Variants in MECOM observed in about 807,000 individuals in gnomAD.
The protein encoded by MECOM is MDS1 and EVI1 complex locus.
A neutral mutation model predicts 116.3 loss-of-function variants in MECOM; 13 were observed. That is an observed-to-expected ratio of 0.11 (90% confidence interval 0.07 to 0.18). The LOEUF is 0.18. Ranked by LOEUF, MECOM falls within the 10% of genes least tolerant of loss-of-function variation. The pLI is 1.00. For synonymous variants in MECOM, 528 were observed against 535.2 expected (o/e 0.99, Z 0.19); for missense variants, 1,299 against 1,509.0 (o/e 0.86, Z 2.31).
At chr3:169,167,062 C>T (rs892768933) in intron 2 of MECOM, among the ~76,000 whole-genome samples, 1 of 152,096 alleles carries the variant, frequency 6.6e-6, no homozygotes, top group African/African-American at 2.4e-5. Context: ...GATGCCTTAA[C>T]TTTCCAGGCT....
chr3:169,449,745 T>C (rs1021134410), intron 1 of MECOM, among the ~76,000 whole-genome samples: 8 of 152,236 alleles, frequency 5.3e-5, no homozygotes, highest in African/African-American at 1.9e-4. Context: ...TAAAGAAATA[T>C]AGGATGTGAT....
chr3:169,475,880 C>A (rs1578205365), intron 1 of MECOM, among the ~76,000 whole-genome samples: 1 of 152,220 alleles, frequency 6.6e-6, no homozygotes, highest in East Asian at 1.9e-4. Context: ...ATAATTCTTG[C>A]TCATGTTGGG....
chr3:169,497,206 C>T (rs1578266208), intron 1 of MECOM, among the ~76,000 whole-genome samples: 1 of 152,250 alleles, frequency 6.6e-6, no homozygotes, highest in African/African-American at 2.4e-5. Flanking sequence ...CCAAGTCCTG[C>T]TTATTCTTAC....
At chr3:169,095,000 A>G in intron 13 of MECOM, 76 bp downstream of exon 13, 1 of 1,266,872 alleles carries the variant, frequency 7.9e-7, no homozygotes, top group Admixed American at 3.0e-5. Context: ...AAAAGAAGAA[A>G]GATCACATTA....
intron 1 of MECOM, among the ~76,000 whole-genome samples, chr3:169,497,921 T>C (rs1754033601): frequency 6.6e-6 from 1 of 152,190 alleles, no homozygotes; most frequent in Non-Finnish European, 1.5e-5. Flanking sequence ...ATGCCATATA[T>C]CCTGTTTGTG....
At chr3:169,574,050 C>T (rs1764224062) in intron 1 of MECOM, among the ~76,000 whole-genome samples, 1 of 152,160 alleles carries the variant, frequency 6.6e-6, no homozygotes, top group Non-Finnish European at 1.5e-5. Flanking sequence ...ATTTATACAA[C>T]TCCATACATT....
At chr3:169,118,724 T>A in intron 7 of MECOM, among the ~76,000 whole-genome samples, 1 of 151,018 alleles carries the variant, frequency 6.6e-6, no homozygotes, top group African/African-American at 2.4e-5. Flanking sequence ...TCAGATGGCT[T>A]AAAAAAAAAA....
intron 1 of MECOM, among the ~76,000 whole-genome samples, chr3:169,644,395 T>C (rs916375254): frequency 2.6e-5 from 4 of 152,078 alleles, no homozygotes; most frequent in Non-Finnish European, 5.9e-5. Context: ...TAGCTGGAAT[T>C]ACAGGCACAT....
intron 3 of MECOM, among the ~76,000 whole-genome samples, chr3:169,141,329 C>T (rs147951475): frequency 3.2e-4 from 48 of 152,110 alleles, no homozygotes; most frequent in African/African-American, 1.1e-3. Context: ...GTAGAGCGTT[C>T]CATTTGCTTT....
chr3:169,427,020 T>C (rs369543435), intron 1 of MECOM, among the ~76,000 whole-genome samples: 1 of 152,182 alleles, frequency 6.6e-6, no homozygotes, highest in African/African-American at 2.4e-5. Flanking sequence ...ATATTCTTTC[T>C]ACTAGATTAC....
chr3:169,650,271 A>C (rs1256742193), intron 1 of MECOM, among the ~76,000 whole-genome samples: 1 of 152,236 alleles, frequency 6.6e-6, no homozygotes, highest in African/African-American at 2.4e-5. Flanking sequence ...TAAGCTAGAA[A>C]TTATTGTGGG....
At chr3:169,153,128 A>G (rs1225912590) in intron 2 of MECOM, among the ~76,000 whole-genome samples, 1 of 152,236 alleles carries the variant, frequency 6.6e-6, no homozygotes, top group Non-Finnish European at 1.5e-5. Context: ...TACCAAGTTT[A>G]AATGAAAATA....
intron 2 of MECOM, among the ~76,000 whole-genome samples, chr3:169,327,447 G>T (rs945205162): frequency 6.6e-6 from 1 of 151,944 alleles, no homozygotes; most frequent in Non-Finnish European, 1.5e-5. Context: ...AGACCAGCCT[G>T]GCCAACATAG....
intron 1 of MECOM, among the ~76,000 whole-genome samples, chr3:169,544,450 C>A (rs1760469475): frequency 6.6e-6 from 1 of 152,220 alleles, no homozygotes; most frequent in South Asian, 2.1e-4. Flanking sequence ...CTGCCTTCCA[C>A]AATGGTTGAA....
At chr3:169,327,963 A>T (rs1038512242) in intron 2 of MECOM, among the ~76,000 whole-genome samples, 7 of 152,178 alleles carry the variant, frequency 4.6e-5, no homozygotes, top group Admixed American at 1.3e-4. Flanking sequence ...AGATAAGGTG[A>T]TTTCTCTACT....
intron 1 of MECOM, among the ~76,000 whole-genome samples, chr3:169,594,174 A>AAAAAAAAAC (rs1255613781): frequency 3.8e-4 from 48 of 125,950 alleles, no homozygotes; most frequent in African/African-American, 1.2e-3. Flanking sequence ...AAAAAAAAAA[A>AAAAAAAAAC]AACACCTTTT....
intron 13 of MECOM, among the ~76,000 whole-genome samples, chr3:169,093,622 C>A (rs1269489762): frequency 6.6e-6 from 1 of 152,150 alleles, no homozygotes; most frequent in African/African-American, 2.4e-5. Flanking sequence ...TCAGAACACT[C>A]CAGTCCAGGG....
chr3:169,116,446 G>C lies in MECOM; in HGVS notation c.1426C>G (p.Pro476Ala). 1 of 1,614,178 alleles carries C rather than the reference G, an allele frequency of 6.2e-7. No individual in the cohort carries two copies. Among genetic ancestry groups the C allele is most frequent in the Non-Finnish European group, 8.5e-7 (1 of 1,180,028 alleles). The change falls in exon 8 of 17, where the codon CCT becomes GCT. Residue 476 changes from proline (P) to alanine (A), a missense_variant. Pro to Ala is a conservative substitution (Grantham distance 27, BLOSUM62 -1). Around this residue, in one of 6 missense-constraint regions of MECOM, gnomAD observed 238 missense variants for 273.1 expected, o/e 0.87. Coordinates refer to ENST00000651503, the MANE Select transcript of MECOM (RefSeq NM_004991.4). ...GCTGTTGGAAAGGTAAGACCAGCAG[G>C]ATGCCTATTGGCGCCAAAATAGTCA... ...LADYFGANRHPAGLTFPTAPG... is the reference protein window; with the variant it reads ...LADYFGANRHAAGLTFPTAPG...
In MECOM at chr3:169,611,829, A is replaced by G. The variant is rs1042055769; in HGVS notation, c.37+51507T>C. Among the ~76,000 whole-genome samples the G allele has an allele frequency of 1.3e-5, 2 of 152,198 alleles. No homozygotes were observed. The highest frequency in any genetic ancestry group is 2.1e-4 in the South Asian group (1 of 4,818). ...CTGATAATTATGTCCAGAAATCAGT[A>G]AAGAACATCAATCTTGGTTGGGATA... On this transcript the variant is annotated intron_variant, in intron 1 of 16. Transcript: ENST00000651503. This position sits in a 1 kb window ranked among gnomAD's most constrained non-coding sequence, Gnocchi z 4.1.
Sources: gnomAD v4.1 joint callset for allele counts (sites outside exome capture counted in the v4.1 genomes callset) on GRCh38, gnomAD v4.1.1 for gene constraint, gnomAD v4.1.1 regional missense constraint, Gnocchi (gnomAD v3.1) non-coding constraint, MANE v1.5 for transcripts, NCBI Gene and HGNC (gene_info 2026-07-23, HGNC 2026-07-21) for gene names.